The following CTNND1 variants were observed in gnomAD, a reference collection of about 807,000 sequenced individuals.
CTNND1 encodes catenin delta-1.
Under a neutral mutation model 112.1 loss-of-function variants are expected in CTNND1, and 16 were observed. The observed-to-expected ratio is 0.14, with a 90% CI of 0.10 to 0.22. The LOEUF is 0.22. CTNND1 is among the 10% of genes least tolerant of loss of function. The probability of loss-of-function intolerance (pLI) is 1.00; values close to 1 mark genes in which losing one functional copy is unlikely to be tolerated. For synonymous variants in CTNND1, 420 were observed against 446.5 expected (o/e 0.94, Z 0.75); for missense variants, 1,008 against 1,257.0 (o/e 0.80, Z 3.00).
At chr11:57,799,041 G>A (rs1401553746) in intron 6 of CTNND1, among the ~76,000 whole-genome samples, 3 of 152,166 alleles carry the variant, frequency 2.0e-5, no homozygotes, top group Non-Finnish European at 4.4e-5. Context: ...TAAAGCAAAT[G>A]CCTTGGTGCT....
intron 12 of CTNND1, 92 bp from the exon 13 acceptor site, chr11:57,808,073 A>G (rs1006595651): frequency 1.5e-5 from 20 of 1,372,760 alleles, no homozygotes; most frequent in Non-Finnish European, 1.9e-5. Context: ...TAAATCCATC[A>G]ACTGAGAGTA....
intron 10 of CTNND1, 43 bp downstream of exon 10, chr11:57,806,078 G>C (rs770305704): frequency 1.3e-6 from 2 of 1,574,500 alleles, no homozygotes; most frequent in Non-Finnish European, 1.7e-6. Flanking sequence ...TGTGGGATAG[G>C]GAAAGGAAGG....
intron 6 of CTNND1, among the ~76,000 whole-genome samples, chr11:57,797,443 C>T (rs905147690): frequency 9.5e-5 from 14 of 147,726 alleles, no homozygotes; most frequent in Non-Finnish European, 1.6e-4. Flanking sequence ...GTTGGCCAGG[C>T]TGGTCTCAAA....
intron 1 of CTNND1, among the ~76,000 whole-genome samples, chr11:57,767,947 C>T (rs1216792755): frequency 2.0e-5 from 3 of 151,738 alleles, no homozygotes; most frequent in Non-Finnish European, 4.4e-5. Flanking sequence ...AATTCTCCTG[C>T]CTCAGCCTCC....
At chr11:57,798,234 C>T (rs1019220762) in intron 6 of CTNND1, among the ~76,000 whole-genome samples, 9 of 151,152 alleles carry the variant, frequency 6.0e-5, no homozygotes, top group Non-Finnish European at 1.2e-4. Flanking sequence ...GTAGTCTCAG[C>T]TACTCAGGAG....
chr11:57,769,862 T>C (rs1952114587), intron 1 of CTNND1, among the ~76,000 whole-genome samples: 1 of 152,328 alleles, frequency 6.6e-6, no homozygotes, highest in Non-Finnish European at 1.5e-5. Context: ...TTATCTTTGA[T>C]TTTTAGATTT....
Position 57,801,824 on chromosome 11 carries a change from T to G in CTNND1, c.1048T>G (p.Leu350Val). Residue 350 changes from leucine to valine, a missense_variant, in exon 7 of 21, where the codon TTG becomes GTG. This residue lies in a region of CTNND1 where 216 missense variants were observed against 342.8 expected (regional missense o/e 0.63). Transcript: ENST00000399050. ...AQHERGSLAS[L>V]DSLRKGGPPP... is the part of the protein sequence containing the mutation. Reference sequence around the variant, plus strand: ...GCATGAGCGAGGAAGTTTAGCAAGCTTGGATAGCCTGCGCAAAGGAGGGCC... The same window carrying G: ...GCATGAGCGAGGAAGTTTAGCAAGCGTGGATAGCCTGCGCAAAGGAGGGCC... 1.2e-6 allele frequency: 2 copies of G among 1,614,014 alleles called. No individual in the cohort carries two copies. Among genetic ancestry groups the G allele is most frequent in the South Asian group, 2.2e-5 (2 of 91,082 alleles).
Position 57,796,674 on chromosome 11 carries a change from A to G in CTNND1, c.638A>G (p.Tyr213Cys). 1 of 1,614,026 alleles carries G rather than the reference A, an allele frequency of 6.2e-7. No homozygotes were observed. Among genetic ancestry groups the G allele is most frequent in the Non-Finnish European group, 8.5e-7 (1 of 1,179,894 alleles). The change falls in exon 6 of 21, where the codon TAT (tyrosine) becomes TGT (cysteine). Residue 213 changes from tyrosine (Y) to cysteine (C), a missense_variant. Around this residue, in one of 5 missense-constraint regions of CTNND1, gnomAD observed 404 missense variants for 457.9 expected, o/e 0.88. Transcript: ENST00000399050. ...AACTTCCACTACCCTCCTGATGGTT[A>G]TAGTCGCCACTATGAAGATGGTTAT... is the stretch of plus-strand genomic sequence containing the variant. Reference protein sequence around the residue: ...PRNFHYPPDGYSRHYEDGYPG... With the variant: ...PRNFHYPPDGCSRHYEDGYPG...
intron 1 of CTNND1, among the ~76,000 whole-genome samples, chr11:57,773,179 G>GAGAT (rs1418937577): frequency 6.6e-6 from 1 of 152,150 alleles, no homozygotes; most frequent in Non-Finnish European, 1.5e-5. Flanking sequence ...AGAGTTTTTT[G>GAGAT]AGATAGAGCT....
Position 57,790,552 on chromosome 11 carries a change from G to GTTT in CTNND1, c.-94-812_-94-810dup, listed in dbSNP as rs150149378. 5.9e-4 allele frequency among the ~76,000 whole-genome samples: 36 copies of GTTT among 60,692 alleles called. 1 individual carries two copies. The highest frequency in any genetic ancestry group is 2.4e-3 in the African/African-American group (33 of 13,770). The allele number at this position is 60,692 out of a possible 152,430, so 39.8% of individuals were successfully genotyped here. On this transcript the variant is annotated intron_variant, in intron 2 of 20. Transcript: ENST00000399050. ...CCCGGCTAATTTTGTCTGTGTGTGT[G>GTTT]TTTTTTTTTTTTTTTTTTTTTTTGA...
At chr11:57,812,336 A>G (rs1197257682) in intron 17 of CTNND1, among the ~76,000 whole-genome samples, 1 of 152,158 alleles carries the variant, frequency 6.6e-6, no homozygotes, top group African/African-American at 2.4e-5. Context: ...CCTGGCCAAC[A>G]TGGTGAAACC....
At position 57,809,457 on chromosome 11, in the gene CTNND1, A is replaced by G. The variant is rs776458506; in HGVS notation, c.2426A>G (p.Asn809Ser). The change falls in exon 15 of 21, where the codon AAC (asparagine) becomes AGC (serine). Residue 809 changes from asparagine (N) to serine (S), a missense_variant. This residue lies in a region of CTNND1 where 254 missense variants were observed against 279.5 expected (regional missense o/e 0.91). Transcript: ENST00000399050. ...TQGIEKLVLI[N>S]KSGNRSEKEV... The stretch of plus-strand genomic sequence containing the variant: ...GGTATTGAGAAGCTGGTGTTGATCA[A>G]CAAATCAGGGTGAGCTTACCACCTA... 1.8e-5 allele frequency: 29 copies of G among 1,610,844 alleles called. No individual in the cohort carries two copies. Among genetic ancestry groups the G allele is most frequent in the Non-Finnish European group, 2.3e-5 (27 of 1,178,350 alleles).
chr11:57,762,617 G>A (rs1282679710), intron 1 of CTNND1, among the ~76,000 whole-genome samples: 1 of 152,148 alleles, frequency 6.6e-6, no homozygotes, highest in African/African-American at 2.4e-5. Flanking sequence ...TGAACGGCCC[G>A]TATCGGTTTC....
In CTNND1 at chr11:57,819,161, A is replaced by C. The variant is rs935319730; in HGVS notation, c.*2853A>C. On this transcript the variant is annotated 3_prime_UTR_variant, in exon 21 of 21. Transcript: ENST00000399050. ...CTGTATGCCCAAATCTTTAGATTAA[A>C]ATTATATAGCTGCTCCTGATGATGG... 6.6e-6 allele frequency: 1 copy of C among 152,216 alleles called. No individual in the cohort carries two copies. The highest frequency in any genetic ancestry group is 1.5e-5 in the Non-Finnish European group (1 of 68,028). The allele number at this position is 152,216 out of a possible 1,614,324, so 9.4% of individuals were successfully genotyped here.
intron 1 of CTNND1, among the ~76,000 whole-genome samples, chr11:57,771,191 T>G (rs1952493159): frequency 6.6e-6 from 1 of 151,820 alleles, no homozygotes; most frequent in Admixed American, 6.6e-5. Context: ...AAGTAAAACA[T>G]CTCCATTCAA....
chr11:57,782,957 A>G (rs552666346), intron 1 of CTNND1, among the ~76,000 whole-genome samples: 1 of 152,330 alleles, frequency 6.6e-6, no homozygotes, highest in African/African-American at 2.4e-5. Context: ...TTCCCAGTGA[A>G]GTGAGAAATA....
chr11:57,790,056 G>C lies in CTNND1; in HGVS notation c.-95+901G>C, dbSNP rs866368278. Among the ~76,000 whole-genome samples the C allele has an allele frequency of 4.6e-5, 7 of 152,226 alleles. 1 individual carries two copies. The highest frequency in any genetic ancestry group is 6.5e-5 in the Admixed American group (1 of 15,284). ...TTAACAAACTATAGTAGTATAGTTT[G>C]GAAAGTAGAAACGCCCTTTTATGAA... On this transcript the variant is annotated intron_variant, in intron 2 of 20. Coordinates refer to ENST00000399050, the MANE Select transcript of CTNND1 (RefSeq NM_001085458.2).
intron 2 of CTNND1, among the ~76,000 whole-genome samples, chr11:57,790,428 A>C (rs1458019821): frequency 2.2e-5 from 3 of 137,206 alleles, no homozygotes; most frequent in African/African-American, 8.3e-5. Flanking sequence ...TTGTCGCCCC[A>C]GCTGGAGTGC....
chr11:57,801,603 C>A (rs747109102), intron 6 of CTNND1, 130 bp from the exon 7 acceptor site: 21 of 705,248 alleles, frequency 3.0e-5, no homozygotes, highest in Non-Finnish European at 5.0e-5. Context: ...ATTATTCATG[C>A]AAAGGAGAGA....
Sources: allele counts gnomAD v4.1 joint callset (sites outside exome capture counted in the v4.1 genomes callset), GRCh38; gene constraint gnomAD v4.1.1; regional missense constraint gnomAD v4.1.1; transcripts MANE v1.5; gene names NCBI Gene and HGNC (gene_info 2026-07-23, HGNC 2026-07-21).